The following HDAC9 variants were observed in gnomAD, a reference collection of about 807,000 sequenced individuals.
HDAC9 encodes histone deacetylase 9.
Under a neutral mutation model 139.4 loss-of-function variants are expected in HDAC9, and 41 were observed. The observed-to-expected ratio is 0.29, with a 90% CI of 0.23 to 0.38. The LOEUF (loss-of-function observed/expected upper bound fraction) is 0.38, where lower values mean the gene tolerates loss of function less well. Ranked by LOEUF, HDAC9 falls within the 10% of genes least tolerant of loss-of-function variation. The pLI is 1.00. For missense variants in HDAC9, 1,147 were observed against 1,297.0 expected, an observed-to-expected ratio of 0.88 and a Z score of 1.78; for synonymous variants, 517 against 476.2, an observed-to-expected ratio of 1.09 and a Z score of -1.12.
intron 1 of HDAC9, among the ~76,000 whole-genome samples, chr7:18,146,756 A>G (rs576867413): frequency 2.3e-4 from 35 of 152,302 alleles, no homozygotes; most frequent in African/African-American, 8.2e-4. Context: ...TTCCTAGAGA[A>G]CAAGTTTAAG....
At chr7:18,342,757 A>G (rs949808935) in intron 1 of HDAC9, among the ~76,000 whole-genome samples, 1 of 151,842 alleles carries the variant, frequency 6.6e-6, no homozygotes, top group Non-Finnish European at 1.5e-5. Flanking sequence ...TATATTACAA[A>G]TCACATGAAA....
At chr7:18,927,678 C>A (rs1267652946) in intron 22 of HDAC9, among the ~76,000 whole-genome samples, 3 of 152,052 alleles carry the variant, frequency 2.0e-5, no homozygotes, top group Non-Finnish European at 4.4e-5. Flanking sequence ...CATTTCAGGC[C>A]CAAATGTAAT....
chr7:18,810,070 A>G (rs756673978), intron 17 of HDAC9, among the ~76,000 whole-genome samples: 12 of 151,956 alleles, frequency 7.9e-5, no homozygotes, highest in Non-Finnish European at 1.3e-4. Flanking sequence ...ATTTTCAACA[A>G]CGTGGATGTT....
intron 22 of HDAC9, among the ~76,000 whole-genome samples, chr7:18,877,765 G>A (rs932475258): frequency 7.9e-5 from 12 of 152,054 alleles, no homozygotes; most frequent in Non-Finnish European, 1.3e-4. Context: ...CCCAAATATA[G>A]AGGTGATTTA....
chr7:18,418,854 C>T (rs1789346394), intron 1 of HDAC9, among the ~76,000 whole-genome samples: 1 of 151,946 alleles, frequency 6.6e-6, no homozygotes. Context: ...TTTTGTACTC[C>T]AATAGTCTGG....
intron 17 of HDAC9, among the ~76,000 whole-genome samples, chr7:18,821,648 A>G (rs1794983739): frequency 6.6e-6 from 1 of 152,204 alleles, no homozygotes. Context: ...CAATTCTCCA[A>G]TTATCTGCAG....
chr7:18,718,831 C>A (rs922625589), intron 12 of HDAC9, among the ~76,000 whole-genome samples: 1 of 151,948 alleles, frequency 6.6e-6, no homozygotes, highest in Non-Finnish European at 1.5e-5. Flanking sequence ...TATATTTAAC[C>A]CTTTGAGGGA....
At chr7:18,981,519 G>A (rs1220173160) in intron 25 of HDAC9, among the ~76,000 whole-genome samples, 1 of 152,150 alleles carries the variant, frequency 6.6e-6, no homozygotes. Context: ...GCCTTCATTT[G>A]TGGAGGCTCT....
intron 1 of HDAC9, among the ~76,000 whole-genome samples, chr7:18,392,266 C>T (rs1786560483): frequency 6.6e-6 from 1 of 150,436 alleles, no homozygotes; most frequent in African/African-American, 2.5e-5. Flanking sequence ...CTATCTCTGT[C>T]TCTGTCACTC....
intron 22 of HDAC9, among the ~76,000 whole-genome samples, chr7:18,926,066 TGG>T (rs1378719799): frequency 6.6e-6 from 1 of 152,136 alleles, no homozygotes; most frequent in Non-Finnish European, 1.5e-5. Flanking sequence ...GTATAAATAC[TGG>T]CCAAGCATGG....
chr7:18,748,155 G>A (rs1187210456), intron 13 of HDAC9, among the ~76,000 whole-genome samples: 1 of 152,138 alleles, frequency 6.6e-6, no homozygotes, highest in African/African-American at 2.4e-5. Context: ...ATGAGCCAGA[G>A]TTATAATTAT....
At chr7:18,956,256 G>C (rs1303663812) in intron 24 of HDAC9, among the ~76,000 whole-genome samples, 2 of 151,946 alleles carry the variant, frequency 1.3e-5, no homozygotes, top group African/African-American at 4.8e-5. Context: ...ACCCAGCTTG[G>C]AGCATTACTG....
chr7:18,908,139 T>A (rs12537096), intron 22 of HDAC9, among the ~76,000 whole-genome samples: 2,138 of 152,140 alleles, frequency 0.014, 25 homozygotes, highest in Non-Finnish European at 0.022. Flanking sequence ...TTTAAAAACA[T>A]TAATATTCTA....
intron 2 of HDAC9, among the ~76,000 whole-genome samples, chr7:18,183,915 C>T (rs775010077): frequency 7.6e-4 from 116 of 152,278 alleles, no homozygotes; most frequent in Middle Eastern, 3.4e-3. Flanking sequence ...CTACCATTCT[C>T]ACAATGAGTA....
chr7:18,248,545 A>G (rs541961244), intron 2 of HDAC9, among the ~76,000 whole-genome samples: 31 of 152,212 alleles, frequency 2.0e-4, no homozygotes, highest in Non-Finnish European at 3.8e-4. Context: ...CAGTCTCTTC[A>G]GGCACATTGG....
intron 2 of HDAC9, among the ~76,000 whole-genome samples, chr7:18,268,603 G>C (rs1328638859): frequency 6.6e-6 from 1 of 152,156 alleles, no homozygotes; most frequent in Non-Finnish European, 1.5e-5. Context: ...CTATTGGAAA[G>C]ATATTGGAAC....
chr7:18,852,280 A>G (rs550486175), intron 21 of HDAC9, among the ~76,000 whole-genome samples: 1 of 152,322 alleles, frequency 6.6e-6, no homozygotes, highest in African/African-American at 2.4e-5. Flanking sequence ...TATATTGACC[A>G]TGCACTAGGA....
chr7:18,777,318 C>T (rs1790856165), intron 16 of HDAC9, among the ~76,000 whole-genome samples: 1 of 127,504 alleles, frequency 7.8e-6, no homozygotes, highest in African/African-American at 3.1e-5. Context: ...AATGTCCTGA[C>T]ATTTGCATGA....
chr7:18,324,905 G>A (rs1430302940), intron 1 of HDAC9, among the ~76,000 whole-genome samples: 2 of 152,162 alleles, frequency 1.3e-5, no homozygotes, highest in African/African-American at 4.8e-5. Flanking sequence ...TTAAGCTCCA[G>A]TTGAAAATAG....
Sources: gnomAD v4.1 joint callset for allele counts (sites outside exome capture counted in the v4.1 genomes callset) on GRCh38, gnomAD v4.1.1 for gene constraint, MANE v1.5 for transcripts, NCBI Gene and HGNC (gene_info 2026-07-23, HGNC 2026-07-21) for gene names.